The following TRPA1 variants were observed in gnomAD, a reference collection of about 807,000 sequenced individuals.
TRPA1 encodes the protein ankyrin-like with transmembrane domains 1.
TRPA1 carries 129 observed loss-of-function variants against 131.3 expected under a neutral mutation model. The ratio of observed to expected loss-of-function variants is 0.98; its 90% CI spans 0.85 to 1.14. The LOEUF (loss-of-function observed/expected upper bound fraction) is 1.14. Ranked by LOEUF, TRPA1 falls within the 50% of genes most tolerant of loss-of-function variation. The pLI, the probability that TRPA1 is intolerant of heterozygous loss-of-function variation, is 0.00. For missense variants in TRPA1, 1,304 were observed against 1,354.2 expected, an observed-to-expected ratio of 0.96 and a Z score of 0.58; for synonymous variants, 441 against 451.7, an observed-to-expected ratio of 0.98 and a Z score of 0.30.
chr8:72,089,304 A>G, the TRPA1 span, among the ~76,000 whole-genome samples: 2 of 152,268 alleles, frequency 1.3e-5, no homozygotes, highest in Admixed American at 1.3e-4. Context: ...TAAGGTACTT[A>G]TTAATTATAA....
At chr8:72,032,068 A>G (rs558424583) in intron 23 of TRPA1, among the ~76,000 whole-genome samples, 1 of 152,322 alleles carries the variant, frequency 6.6e-6, no homozygotes, top group East Asian at 1.9e-4. Flanking sequence ...CATGAAGGAA[A>G]GTGTGGCACA....
At chr8:72,034,120 T>C (rs1292273930) in intron 22 of TRPA1, 128 bp downstream of exon 22, 3 of 1,097,654 alleles carry the variant, frequency 2.7e-6, no homozygotes, top group Non-Finnish European at 3.9e-6. Context: ...ATATAGGAGA[T>C]AAAAACTAAA....
chr8:72,086,407 T>C, the TRPA1 span, among the ~76,000 whole-genome samples: 2 of 152,214 alleles, frequency 1.3e-5, no homozygotes, highest in East Asian at 3.8e-4. Context: ...AATTAGGTTT[T>C]CCGCATTCTG....
intron 8 of TRPA1, 121 bp downstream of exon 8, chr8:72,059,269 C>T (rs1805749330): frequency 2.9e-6 from 2 of 685,276 alleles, no homozygotes; most frequent in Non-Finnish European, 5.0e-6. Context: ...ATTTTGTATA[C>T]TTTTTGCTGA....
intron 2 of TRPA1, among the ~76,000 whole-genome samples, chr8:72,070,412 C>T (rs1018982076): frequency 2.6e-5 from 4 of 152,160 alleles, no homozygotes; most frequent in African/African-American, 9.7e-5. Flanking sequence ...ATTCATCATT[C>T]CATTTGGCGC....
intron 14 of TRPA1, 145 bp downstream of exon 14, chr8:72,052,454 C>G: frequency 1.1e-6 from 1 of 933,364 alleles, no homozygotes; most frequent in Admixed American, 2.5e-5. Flanking sequence ...AAATAAAAAA[C>G]CTTTAAAAAA....
intron 12 of TRPA1, 25 bp from the exon 13 acceptor site, chr8:72,053,892 T>C (rs1805594068): frequency 2.6e-6 from 4 of 1,550,302 alleles, no homozygotes; most frequent in Non-Finnish European, 3.5e-6. Context: ...AGAAAAGATG[T>C]GTGCATACAC....
chr8:72,063,675 C>T, intron 4 of TRPA1, 104 bp from the exon 5 acceptor site: 1 of 760,416 alleles, frequency 1.3e-6, no homozygotes, highest in Non-Finnish European at 2.3e-6. Context: ...TATTATATGT[C>T]TATGTAAAAG....
Position 72,036,268 on chromosome 8 carries a change from A to G in TRPA1, c.2555+20T>C. The G allele has an allele frequency of 6.2e-7, 1 of 1,612,808 alleles. No individual in the cohort carries two copies. Among genetic ancestry groups the G allele is most frequent in the Non-Finnish European group, 8.5e-7 (1 of 1,178,990 alleles). On this transcript the variant is annotated intron_variant, in intron 21 of 26. Transcript: ENST00000262209. ...TTAAAAATGCTTAAAGGATGTGGAA[A>G]TAATTCAAGCTTGTTTTACCTTTGA...
At chr8:72,073,167 TATCA>T (rs1467874171) in intron 1 of TRPA1, among the ~76,000 whole-genome samples, 3 of 152,216 alleles carry the variant, frequency 2.0e-5, no homozygotes, top group Admixed American at 6.5e-5. Context: ...AAAACAGATA[TATCA>T]AATACATCTG....
intron 4 of TRPA1, among the ~76,000 whole-genome samples, chr8:72,064,411 A>C (rs551424914): frequency 6.6e-6 from 1 of 152,156 alleles, no homozygotes; most frequent in African/African-American, 2.4e-5. Context: ...ACCAGACTTT[A>C]AAAATATATT....
At chr8:72,060,002 C>T (rs554547827) in intron 7 of TRPA1, among the ~76,000 whole-genome samples, 1 of 152,266 alleles carries the variant, frequency 6.6e-6, no homozygotes, top group East Asian at 1.9e-4. Flanking sequence ...ATACTAATGA[C>T]TTAAAGCTTT....
In TRPA1 at chr8:72,052,599, C is replaced by G. The variant is rs377764138; in HGVS notation, c.1811G>C (p.Arg604Thr). ...EVVLTIIRSK[R>T]WDECLKIFSH... ...GACAGTGGACAGGAAGACAGTGTAC[C>G]TTTTGCTCCTGATGATCGTAAGAAC... The change falls in exon 14 of 27, where the codon AGA (arginine) becomes ACA (threonine). Residue 604 changes from arginine to threonine, a missense_variant and splice_region_variant. Transcript: ENST00000262209. The G allele has an allele frequency of 5.6e-6, 9 of 1,613,270 alleles. No homozygotes were observed. The African/African-American group carries it at 1.2e-4, about 22-fold the overall frequency.
chr8:72,049,683 G>A (rs1253480600), intron 15 of TRPA1, among the ~76,000 whole-genome samples: 2 of 152,112 alleles, frequency 1.3e-5, no homozygotes, highest in Non-Finnish European at 2.9e-5. Flanking sequence ...AGCAAAAGGG[G>A]TCACATGTTT....
chr8:72,071,918 G>T (rs768660020), intron 1 of TRPA1, 51 bp from the exon 2 acceptor site: 16 of 1,536,386 alleles, frequency 1.0e-5, no homozygotes, highest in Non-Finnish European at 1.4e-5. Context: ...CAAAACTTAT[G>T]GCTATAATCA....
chr8:72,023,887 T>G lies in TRPA1; in HGVS notation c.3076A>C (p.Thr1026Pro), dbSNP rs1482448567. The change falls in exon 26 of 27, where the codon ACT (threonine) becomes CCT (proline). Residue 1026 changes from threonine (T) to proline (P), a missense_variant. By Grantham distance (38) the Thr-to-Pro change is conservative. Coordinates refer to ENST00000262209, the MANE Select transcript of TRPA1 (RefSeq NM_007332.3). ...GGTATTTCTTGTCTTATTTCCCCAG[T>G]GCAAAATAAAAAACAGAATATATGC... ...LFHIFCFLFC[T>P]GEIRQEIPNA... The G allele has an allele frequency of 6.3e-7, 1 of 1,594,204 alleles. No individual in the cohort carries two copies. The highest frequency in any genetic ancestry group is 8.6e-7 in the Non-Finnish European group (1 of 1,162,428).
At chr8:72,067,798 G>C (rs539668221) in intron 3 of TRPA1, among the ~76,000 whole-genome samples, 1 of 152,134 alleles carries the variant, frequency 6.6e-6, no homozygotes, top group Non-Finnish European at 1.5e-5. Context: ...TGTTGCCAGA[G>C]GACTTTCTAG....
chr8:72,086,637 T>C, the TRPA1 span, among the ~76,000 whole-genome samples: 81 of 152,310 alleles, frequency 5.3e-4, no homozygotes, highest in East Asian at 0.014. Flanking sequence ...TTCTAATTCA[T>C]TTCTTTATAA....
chr8:72,022,713 C>G lies in TRPA1; in HGVS notation c.*193G>C. On this transcript the variant is annotated 3_prime_UTR_variant, in exon 27 of 27. Transcript: ENST00000262209. ...TTTGAACATATCTGCAAAGATATCC[C>G]CAATACATAGTGATTGGTAGAAAAT... 1.5e-6 allele frequency: 1 copy of G among 655,772 alleles called. No homozygotes were observed. Among genetic ancestry groups the G allele is most frequent in the Non-Finnish European group, 2.7e-6 (1 of 365,834 alleles). 40.6% of individuals were successfully genotyped at this position (655,772 alleles called of 1,614,324 possible).
Sources: allele counts gnomAD v4.1 joint callset (sites outside exome capture counted in the v4.1 genomes callset), GRCh38; gene constraint gnomAD v4.1.1; transcripts MANE v1.5; gene names NCBI Gene and HGNC (gene_info 2026-07-23, HGNC 2026-07-21).